Variants in KL observed in about 807,000 individuals in gnomAD.
The protein encoded by KL is klotho, also known as alpha-klotho.
KL carries 62 observed loss-of-function variants against 84.2 expected under a neutral mutation model. The ratio of observed to expected loss-of-function variants is 0.74; its 90% CI spans 0.60 to 0.91. KL has a LOEUF of 0.91. Among genes scored for constraint, KL ranks in the 40% least tolerant of loss-of-function variants. The pLI, the probability that KL is intolerant of heterozygous loss-of-function variation, is 0.00. For missense variants in KL, 1,261 were observed against 1,305.7 expected, an observed-to-expected ratio of 0.97 and a Z score of 0.53; for synonymous variants, 528 against 528.0, an observed-to-expected ratio of 1.00 and a Z score of 0.00.
intron 1 of KL, among the ~76,000 whole-genome samples, chr13:33,044,564 T>C (rs1871449498): frequency 6.6e-6 from 1 of 152,124 alleles, no homozygotes; most frequent in South Asian, 2.1e-4. Context: ...ACGATTTTGG[T>C]ACCACTGTAA....
chr13:33,023,540 T>G (rs1870648374), intron 1 of KL, among the ~76,000 whole-genome samples: 1 of 152,208 alleles, frequency 6.6e-6, no homozygotes, highest in African/African-American at 2.4e-5. Context: ...AAATAACGTA[T>G]TTTTACATAA....
intron 1 of KL, among the ~76,000 whole-genome samples, chr13:33,027,479 G>A (rs1870820236): frequency 1.3e-5 from 2 of 152,152 alleles, no homozygotes; most frequent in Non-Finnish European, 2.9e-5. Context: ...TCAGGTCCTA[G>A]GCCTGCTGCT....
At chr13:33,024,124 A>C (rs1265845912) in intron 1 of KL, among the ~76,000 whole-genome samples, 1 of 112,798 alleles carries the variant, frequency 8.9e-6, no homozygotes, top group Non-Finnish European at 2.1e-5. Flanking sequence ...GACATCTTTC[A>C]CATATTTGAA....
Position 33,028,438 on chromosome 13 carries a change from G to A in KL, c.819+11179G>A, listed in dbSNP as rs74045650. Among the ~76,000 whole-genome samples the A allele has an allele frequency of 7.3e-3, 1,113 of 152,252 alleles. 9 individuals carry two copies. Among genetic ancestry groups the A allele is most frequent in the African/African-American group, 0.025 (1,056 of 41,538 alleles). ...CCCTTTCTCAGGAAGTTATTGGAGG[G>A]TAACCGCCACATAACATGAGGAAGA... On this transcript the variant is annotated intron_variant, in intron 1 of 4. Transcript: ENST00000380099.
chr13:33,040,643 C>T (rs1871304049), intron 1 of KL, among the ~76,000 whole-genome samples: 1 of 152,046 alleles, frequency 6.6e-6, no homozygotes, highest in Non-Finnish European at 1.5e-5. Context: ...AGAATTATTC[C>T]ATTTCAATTT....
At chr13:33,062,490 T>C (rs1872245598) in intron 4 of KL, among the ~76,000 whole-genome samples, 1 of 151,586 alleles carries the variant, frequency 6.6e-6, no homozygotes, top group African/African-American at 2.4e-5. Flanking sequence ...CTGACCAACA[T>C]GGTGAAACCC....
At chr13:33,030,131 T>C (rs1870924151) in intron 1 of KL, among the ~76,000 whole-genome samples, 1 of 152,090 alleles carries the variant, frequency 6.6e-6, no homozygotes, top group Non-Finnish European at 1.5e-5. Context: ...TGAACCCACT[T>C]CTATGATAAC....
intron 1 of KL, among the ~76,000 whole-genome samples, chr13:33,041,089 T>C (rs1302112699): frequency 6.6e-6 from 1 of 152,142 alleles, no homozygotes; most frequent in African/African-American, 2.4e-5. Flanking sequence ...TTCCACGTAG[T>C]AGCCACTGAT....
intron 1 of KL, among the ~76,000 whole-genome samples, chr13:33,050,031 A>G (rs1277248158): frequency 6.6e-6 from 1 of 152,196 alleles, no homozygotes; most frequent in Non-Finnish European, 1.5e-5. Flanking sequence ...ACGTTTTTAC[A>G]TGTTAATTGA....
At chr13:33,044,989 C>G (rs1352276042) in intron 1 of KL, among the ~76,000 whole-genome samples, 1 of 152,010 alleles carries the variant, frequency 6.6e-6, no homozygotes, top group Non-Finnish European at 1.5e-5. Context: ...CCTTTTCAAT[C>G]AACATGCCTT....
Position 33,016,808 on chromosome 13 carries a change from A to G in KL, c.368A>G (p.Asp123Gly). Residue 123 changes from aspartate (D) to glycine (G), a missense_variant, in exon 1 of 5, where the codon GAC becomes GGC. Coordinates refer to ENST00000380099, the MANE Select transcript of KL (RefSeq NM_004795.4). ...APSPLQPATG[D>G]VASDSYNNVF... ...TCGCCGCTGCAGCCCGCCACCGGGG[A>G]CGTAGCCAGCGACAGCTACAACAAC... 1 of 1,612,498 alleles carries G rather than the reference A, an allele frequency of 6.2e-7. No individual in the cohort carries two copies.
In KL at chr13:33,016,981, C is replaced by T. The variant is rs774869236; in HGVS notation, c.541C>T (p.Arg181Trp). ...CTACCGGCGCCTGCTGGAGCGGCTG[C>T]GGGAGCTGGGCGTGCAGCCCGTGGT... Reference protein sequence around the residue: ...RYYRRLLERLRELGVQPVVTL... With the variant: ...RYYRRLLERLWELGVQPVVTL... The change falls in exon 1 of 5, where the codon CGG (arginine) becomes TGG (tryptophan). Residue 181 changes from arginine to tryptophan, a missense_variant. Transcript: ENST00000380099. 4 of 1,595,232 alleles carry T rather than the reference C, an allele frequency of 2.5e-6. No individual in the cohort carries two copies. Among genetic ancestry groups the T allele is most frequent in the African/African-American group, 1.3e-5 (1 of 74,704 alleles).
chr13:33,053,715 G>T, intron 1 of KL, 52 bp from the exon 2 acceptor site: 1 of 1,545,730 alleles, frequency 6.5e-7, no homozygotes. Flanking sequence ...GTATTATATT[G>T]CATTTCTCCT....
At chr13:33,045,439 C>G (rs1871491829) in intron 1 of KL, among the ~76,000 whole-genome samples, 1 of 152,134 alleles carries the variant, frequency 6.6e-6, no homozygotes, top group Non-Finnish European at 1.5e-5. Flanking sequence ...AAGCTCTCAG[C>G]CTTTCACTGT....
intron 1 of KL, among the ~76,000 whole-genome samples, chr13:33,028,011 G>A (rs189113477): frequency 1.4e-3 from 208 of 152,358 alleles, no homozygotes; most frequent in African/African-American, 4.9e-3. Context: ...GATGGGCTGG[G>A]AAGAGTTTCA....
chr13:33,054,120 T>A lies in KL; in HGVS notation c.1173T>A (p.Ser391=). ...ACATGAAGTTCCGCCAATTGGAATC[T>A]CCCAACCTGAGGCAACTGCTTTCCT... ...DPHMKFRQLE[S]PNLRQLLSWI... Residue 391 remains serine, a synonymous_variant, in exon 2 of 5, where the codon TCT becomes TCA. Transcript: ENST00000380099. The A allele has an allele frequency of 6.2e-7, 1 of 1,614,106 alleles. No individual in the cohort carries two copies. The highest frequency in any genetic ancestry group is 8.5e-7 in the Non-Finnish European group (1 of 1,180,022).
At position 33,016,915 on chromosome 13, in the gene KL, A is replaced by G. The variant is rs1049323673; in HGVS notation, c.475A>G (p.Asn159Asp). Residue 159 changes from asparagine to aspartate, a missense_variant, in exon 1 of 5, where the codon AAT (asparagine) becomes GAT (aspartate). Physicochemically the swap from Asn to Asp is conservative, Grantham distance 23. Transcript: ENST00000380099. The stretch of plus-strand genomic sequence containing the variant: ...CATCTCGTGGGCGCGAGTGCTCCCC[A>G]ATGGCAGCGCGGGCGTCCCCAACCG... The part of the protein sequence containing the change: ...FSISWARVLP[N>D]GSAGVPNREG... 6.2e-7 allele frequency: 1 copy of G among 1,611,328 alleles called. No individual in the cohort carries two copies. Among genetic ancestry groups the G allele is most frequent in the Non-Finnish European group, 8.5e-7 (1 of 1,179,478 alleles).
intron 4 of KL, among the ~76,000 whole-genome samples, chr13:33,062,788 A>G (rs796416822): frequency 5.3e-5 from 8 of 152,258 alleles, no homozygotes; most frequent in African/African-American, 1.7e-4. Context: ...TAGTAAATCA[A>G]TCACTGTGAC....
intron 1 of KL, among the ~76,000 whole-genome samples, chr13:33,048,137 C>A (rs1857464720): frequency 6.6e-6 from 1 of 151,812 alleles, no homozygotes. Flanking sequence ...CTTTTTTTCC[C>A]CTTAATTAAG....
Sources: allele counts gnomAD v4.1 joint callset (sites outside exome capture counted in the v4.1 genomes callset), GRCh38; gene constraint gnomAD v4.1.1; transcripts MANE v1.5; gene names NCBI Gene and HGNC (gene_info 2026-07-23, HGNC 2026-07-21).